The following TMEM132D variants were observed in gnomAD, a reference collection of about 807,000 sequenced individuals.
TMEM132D encodes transmembrane protein 132D.
TMEM132D carries 21 observed loss-of-function variants against 62.3 expected under a neutral mutation model. The ratio of observed to expected loss-of-function variants is 0.34; its 90% CI spans 0.24 to 0.49. The LOEUF is 0.49. Among genes scored for constraint, TMEM132D ranks in the 20% least tolerant of loss-of-function variants. TMEM132D has a pLI of 0.99. For missense variants in TMEM132D, 1,346 were observed against 1,402.8 expected, an observed-to-expected ratio of 0.96 and a Z score of 0.65; for synonymous variants, 621 against 575.6, an observed-to-expected ratio of 1.08 and a Z score of -1.13.
At position 129,367,549 on chromosome 12, in the gene TMEM132D, G is replaced by T. The variant is rs538224332; in HGVS notation, c.1116-29732C>A. 2.0e-5 allele frequency among the ~76,000 whole-genome samples: 3 copies of T among 152,242 alleles called. No homozygotes were observed. The South Asian group carries it at 6.2e-4, about 32-fold the overall frequency. ...AATACGACACTGGTGTGTGTGCCGG[G>T]GGAGCAAGGGTCTTCTTCAGGTGTG... is the stretch of plus-strand genomic sequence containing the variant. On this transcript the variant is annotated intron_variant, in intron 3 of 8. Transcript: ENST00000422113.
chr12:129,277,444 C>T lies in TMEM132D; in HGVS notation c.1299+60190G>A, dbSNP rs73422204. Among the ~76,000 whole-genome samples the T allele has an allele frequency of 2.9e-3, 444 of 152,294 alleles. 3 individuals carry two copies. The highest frequency in any genetic ancestry group is 9.7e-3 in the African/African-American group (402 of 41,564). ...AGGAAAGAAAAGGATACCATTTCAA[C>T]GGCTGTCCAGTTTTGAATGCTTGTA... On this transcript the variant is annotated intron_variant, in intron 4 of 8. Coordinates refer to ENST00000422113, the MANE Select transcript of TMEM132D (RefSeq NM_133448.3). This position sits in a 1 kb window ranked among gnomAD's most constrained non-coding sequence, Gnocchi z 4.2.
chr12:129,755,781 C>G (rs143584434), intron 1 of TMEM132D, among the ~76,000 whole-genome samples: 5 of 152,298 alleles, frequency 3.3e-5, no homozygotes, highest in Admixed American at 6.5e-5. Flanking sequence ...CTCTCTCCAC[C>G]TCCACCCATT....
intron 2 of TMEM132D, among the ~76,000 whole-genome samples, chr12:129,544,976 A>C (rs981397758): frequency 1.3e-5 from 2 of 152,188 alleles, no homozygotes; most frequent in African/African-American, 4.8e-5. Flanking sequence ...TCCCTAAGTG[A>C]CTTGTGGTTT....
intron 4 of TMEM132D, among the ~76,000 whole-genome samples, chr12:129,288,685 A>G (rs1881368245): frequency 6.6e-6 from 1 of 152,204 alleles, no homozygotes; most frequent in South Asian, 2.1e-4. Flanking sequence ...GCTATGCAAA[A>G]CGGTAAGGAG....
intron 4 of TMEM132D, among the ~76,000 whole-genome samples, chr12:129,294,744 T>C (rs1354216280): frequency 6.6e-6 from 1 of 152,248 alleles, no homozygotes. Flanking sequence ...TTTTTCAATG[T>C]TTGCTCCCAT....
In TMEM132D at chr12:129,630,740, G is replaced by T. The variant is rs186813406; in HGVS notation, c.968+69070C>A. Among the ~76,000 whole-genome samples the T allele has an allele frequency of 6.9e-4, 105 of 152,214 alleles. 1 individual carries two copies. Among genetic ancestry groups the T allele is most frequent in the African/African-American group, 2.5e-3 (102 of 41,538 alleles). ...TCATTTTAGGTTCAGGGGTACATAT[G>T]CAGGTTTGTTATATGGGTAAACTTG... On this transcript the variant is annotated intron_variant, in intron 2 of 8. Transcript: ENST00000422113.
At chr12:129,251,466 C>T (rs958302791) in intron 4 of TMEM132D, among the ~76,000 whole-genome samples, 3 of 151,756 alleles carry the variant, frequency 2.0e-5, no homozygotes, top group East Asian at 1.9e-4. Context: ...ATCCCTTACC[C>T]GAGGAAGGAT....
At chr12:129,077,069 T>TA (rs1565955591) in intron 8 of TMEM132D, among the ~76,000 whole-genome samples, 1 of 152,170 alleles carries the variant, frequency 6.6e-6, no homozygotes, top group Non-Finnish European at 1.5e-5. Flanking sequence ...AAGACTGTAG[T>TA]ATAAGGACTA....
Position 129,087,202 on chromosome 12 carries a change from C to T in TMEM132D, c.1444-2500G>A, listed in dbSNP as rs548546878. 1.0e-3 allele frequency among the ~76,000 whole-genome samples: 156 copies of T among 152,060 alleles called. 1 individual carries two copies. Among genetic ancestry groups the T allele is most frequent in the Non-Finnish European group, 1.2e-3 (82 of 68,028 alleles). On this transcript the variant is annotated intron_variant, in intron 5 of 8. Transcript: ENST00000422113. ...TTTCTGTGAGTTGGACTTTTCCCGA[C>T]GTATAAGCAACGTCATGTAGGATCT... is the stretch of plus-strand genomic sequence containing the variant.
intron 5 of TMEM132D, among the ~76,000 whole-genome samples, chr12:129,178,818 A>T (rs140577726): frequency 5.3e-5 from 8 of 152,306 alleles, no homozygotes; most frequent in African/African-American, 1.9e-4. Context: ...CAGGAGGTGA[A>T]GTCTATGTCT....
Position 129,353,972 on chromosome 12 carries a change from A to G in TMEM132D, c.1116-16155T>C, listed in dbSNP as rs947921869. Among the ~76,000 whole-genome samples the G allele has an allele frequency of 3.9e-5, 6 of 152,204 alleles. No individual in the cohort carries two copies. The East Asian group carries it at 5.8e-4, about 15-fold the overall frequency. Reference sequence around the variant, plus strand: ...CTCTTCTCATTCCCCAATAATGCTCACTAGTGCAGACTCCTTTGTGCATGG... The same window carrying G: ...CTCTTCTCATTCCCCAATAATGCTCGCTAGTGCAGACTCCTTTGTGCATGG... On this transcript the variant is annotated intron_variant, in intron 3 of 8. Coordinates refer to ENST00000422113, the MANE Select transcript of TMEM132D (RefSeq NM_133448.3).
intron 5 of TMEM132D, among the ~76,000 whole-genome samples, chr12:129,205,668 C>T (rs2135563705): frequency 6.6e-6 from 1 of 152,116 alleles, no homozygotes; most frequent in East Asian, 1.9e-4. Flanking sequence ...AAATGAACCT[C>T]ATAGACATCT....
At chr12:129,318,706 A>T (rs1868571298) in intron 4 of TMEM132D, among the ~76,000 whole-genome samples, 1 of 152,088 alleles carries the variant, frequency 6.6e-6, no homozygotes, top group South Asian at 2.1e-4. Flanking sequence ...GTGTTCCATT[A>T]CCAGGGTGGA....
chr12:129,848,016 T>G (rs1873418048), intron 1 of TMEM132D, among the ~76,000 whole-genome samples: 1 of 152,020 alleles, frequency 6.6e-6, no homozygotes, highest in Non-Finnish European at 1.5e-5. Flanking sequence ...CTGCTCAAAT[T>G]AAAAGCACTT....
At chr12:129,592,343 A>G (rs182046) in intron 2 of TMEM132D, among the ~76,000 whole-genome samples, 102,693 of 152,084 alleles carry the variant, frequency 0.68, 34,929 homozygotes, top group East Asian at 0.84. Context: ...GCACTCCCAA[A>G]TTATTGCCAT....
intron 3 of TMEM132D, among the ~76,000 whole-genome samples, chr12:129,453,961 G>A (rs1033911009): frequency 1.4e-4 from 21 of 152,196 alleles, no homozygotes; most frequent in Admixed American, 1.3e-3. Context: ...GAGAGTAAGA[G>A]AAGGATGGTT....
chr12:129,551,139 G>A (rs1027854612), intron 2 of TMEM132D, among the ~76,000 whole-genome samples: 1 of 152,242 alleles, frequency 6.6e-6, no homozygotes, highest in East Asian at 1.9e-4. Context: ...AAGCTTCAGG[G>A]ATCTGCCAGC....
chr12:129,403,435 T>C (rs1438809459), intron 3 of TMEM132D, among the ~76,000 whole-genome samples: 2 of 151,460 alleles, frequency 1.3e-5, no homozygotes, highest in African/African-American at 4.9e-5. Context: ...TGCAAAGCAT[T>C]CATGTGGAGT....
rs1565959465 is a variant in TMEM132D at position 129,087,937 on chromosome 12, ATGACCGGGGTGTCCTCCC to A, written c.1444-3253_1444-3236del. On this transcript the variant is annotated intron_variant, in intron 5 of 8. Transcript: ENST00000422113. The stretch of plus-strand genomic sequence containing the variant: ...TGTCCTCCCTGACCGGGTGTCCTCC[ATGACCGGGGTGTCCTCCC>A]TGACCGGGGTGTCCTCCATGACCGG... Among the ~76,000 whole-genome samples the A allele has an allele frequency of 2.1e-3, 60 of 28,176 alleles. 1 individual carries two copies. Among genetic ancestry groups the A allele is most frequent in the South Asian group, 4.1e-3 (3 of 740 alleles). The allele number at this position is 28,176 out of a possible 152,430, so 18.5% of individuals were successfully genotyped here.
Sources: allele counts gnomAD v4.1 joint callset (sites outside exome capture counted in the v4.1 genomes callset), GRCh38; gene constraint gnomAD v4.1.1; non-coding constraint Gnocchi (gnomAD v3.1); transcripts MANE v1.5; gene names NCBI Gene and HGNC (gene_info 2026-07-23, HGNC 2026-07-21).